The following LINGO2 variants were observed in gnomAD, a reference collection of about 807,000 sequenced individuals.
The protein encoded by LINGO2 is leucine-rich repeat and immunoglobulin-like domain-containing nogo receptor-interacting protein 2.
LINGO2 carries 14 observed loss-of-function variants against 30.6 expected under a neutral mutation model. The observed-to-expected ratio is 0.46, with a 90% CI of 0.30 to 0.72. The LOEUF is 0.72. LINGO2 is among the 30% of genes least tolerant of loss of function. The probability of loss-of-function intolerance (pLI) is 0.07; values close to 1 mark genes in which losing one functional copy is unlikely to be tolerated. For synonymous variants in LINGO2, 317 were observed against 288.5 expected (o/e 1.10, Z -1.00); for missense variants, 729 against 751.7 (o/e 0.97, Z 0.35).
intron 2 of LINGO2, among the ~76,000 whole-genome samples, chr9:28,417,737 T>A (rs1163217826): frequency 6.6e-6 from 1 of 152,210 alleles, no homozygotes; most frequent in Non-Finnish European, 1.5e-5. Flanking sequence ...GTACCATGTA[T>A]AACTTTTTAT....
chr9:28,542,098 A>T (rs1406922624), intron 1 of LINGO2, among the ~76,000 whole-genome samples: 1 of 152,160 alleles, frequency 6.6e-6, no homozygotes, highest in African/African-American at 2.4e-5. Flanking sequence ...AAGGGAAAGA[A>T]GTTAAATTGT....
the LINGO2 span, among the ~76,000 whole-genome samples, chr9:28,764,591 C>G: frequency 3.3e-5 from 5 of 151,778 alleles, no homozygotes; most frequent in South Asian, 4.1e-4. Context: ...GTATTTGGTA[C>G]AAGACAAAGA....
chr9:29,163,627 C>T, the LINGO2 span, among the ~76,000 whole-genome samples: 102 of 152,224 alleles, frequency 6.7e-4, no homozygotes, highest in African/African-American at 2.3e-3. Context: ...TATACTCTGG[C>T]TTCTAATGTA....
At chr9:28,698,906 G>C in the LINGO2 span, among the ~76,000 whole-genome samples, 1 of 151,958 alleles carries the variant, frequency 6.6e-6, no homozygotes, top group Non-Finnish European at 1.5e-5. Flanking sequence ...GCTAGATGTG[G>C]TGGTGTGCAC....
the LINGO2 span, among the ~76,000 whole-genome samples, chr9:29,171,767 T>A: frequency 7.9e-5 from 12 of 151,998 alleles, no homozygotes; most frequent in African/African-American, 2.6e-4. Context: ...CCATATTTTT[T>A]AATATGATAT....
chr9:28,936,312 T>C, the LINGO2 span, among the ~76,000 whole-genome samples: 1 of 152,176 alleles, frequency 6.6e-6, no homozygotes, highest in Admixed American at 6.5e-5. Flanking sequence ...TGTTGTGGTG[T>C]CTTGCCATCA....
At chr9:28,487,945 A>C (rs994011526) in intron 1 of LINGO2, among the ~76,000 whole-genome samples, 4 of 152,198 alleles carry the variant, frequency 2.6e-5, no homozygotes, top group African/African-American at 9.6e-5. Context: ...GCCAAACAAA[A>C]CAAGAGAAAA....
chr9:28,901,508 T>C, the LINGO2 span, among the ~76,000 whole-genome samples: 1 of 151,888 alleles, frequency 6.6e-6, no homozygotes, highest in Non-Finnish European at 1.5e-5. Flanking sequence ...GCGCAATTAT[T>C]TGTTAAGGGA....
intron 4 of LINGO2, among the ~76,000 whole-genome samples, chr9:28,063,839 TG>T (rs1825229518): frequency 6.6e-6 from 1 of 152,140 alleles, no homozygotes; most frequent in Non-Finnish European, 1.5e-5. Context: ...ATTGATATTG[TG>T]GTTCTGAGTA....
At position 27,999,349 on chromosome 9, in the gene LINGO2, T is replaced by G. The variant is rs575277095; in HGVS notation, c.-36+13006A>C. On this transcript the variant is annotated intron_variant, in intron 5 of 5. Transcript: ENST00000379992. Reference sequence around the variant, plus strand: ...TGGAAAAGAGAAAGATATGATGTTTTGTGTGCAGGTGTAACTTGCCAGCTG... The same window carrying G: ...TGGAAAAGAGAAAGATATGATGTTTGGTGTGCAGGTGTAACTTGCCAGCTG... Among the ~76,000 whole-genome samples the G allele has an allele frequency of 3.3e-5, 5 of 152,166 alleles. No homozygotes were observed. In the East Asian group the frequency reaches 9.7e-4, roughly 30 times the overall value.
At chr9:28,635,908 T>G (rs2135906303) in intron 1 of LINGO2, among the ~76,000 whole-genome samples, 1 of 152,144 alleles carries the variant, frequency 6.6e-6, no homozygotes, top group East Asian at 1.9e-4. Flanking sequence ...TGTGCCATGT[T>G]GGTGTGTAGC....
intron 1 of LINGO2, among the ~76,000 whole-genome samples, chr9:28,592,874 C>A (rs1462838778): frequency 6.6e-6 from 1 of 151,976 alleles, no homozygotes; most frequent in African/African-American, 2.4e-5. Context: ...TCTTCTGTAG[C>A]CCTCTTTCAT....
the LINGO2 span, among the ~76,000 whole-genome samples, chr9:29,113,374 C>T: frequency 6.6e-6 from 1 of 152,106 alleles, no homozygotes; most frequent in African/African-American, 2.4e-5. Context: ...CCTAAGAAAT[C>T]AGAAGTTTAC....
intron 3 of LINGO2, among the ~76,000 whole-genome samples, chr9:28,355,309 C>CTCTCTCTCTGTCTCTG (rs1820138951): frequency 2.2e-5 from 1 of 46,030 alleles, no homozygotes; most frequent in Non-Finnish European, 6.8e-5. Context: ...GTCTCTCTCT[C>CTCTCTCTCTGTCTCTG]TCTCTCTCTC....
chr9:28,101,560 A>G (rs73643297), intron 4 of LINGO2, among the ~76,000 whole-genome samples: 2 of 152,274 alleles, frequency 1.3e-5, no homozygotes, highest in East Asian at 3.9e-4. Context: ...AAACTTTTTC[A>G]TCATTCCTAA....
intron 4 of LINGO2, among the ~76,000 whole-genome samples, chr9:28,243,882 C>T (rs1821901532): frequency 6.6e-6 from 1 of 152,124 alleles, no homozygotes; most frequent in South Asian, 2.1e-4. Flanking sequence ...TAGTGAGAGA[C>T]TATAACACCC....
chr9:28,704,776 T>C, the LINGO2 span, among the ~76,000 whole-genome samples: 2 of 152,174 alleles, frequency 1.3e-5, no homozygotes, highest in African/African-American at 2.4e-5. Context: ...TTTCAATCTC[T>C]CTGCTTACAT....
chr9:28,409,602 G>T (rs1278391395), intron 2 of LINGO2, among the ~76,000 whole-genome samples: 1 of 147,906 alleles, frequency 6.8e-6, no homozygotes, highest in South Asian at 2.2e-4. Context: ...TACAAAGCTG[G>T]CTTAACAGAT....
the LINGO2 span, among the ~76,000 whole-genome samples, chr9:29,067,799 A>C: frequency 4.6e-5 from 7 of 151,092 alleles, no homozygotes; most frequent in African/African-American, 1.7e-4. Flanking sequence ...CATATTTTTA[A>C]GAAACAAAGG....
Sources: gnomAD v4.1 joint callset for allele counts (sites outside exome capture counted in the v4.1 genomes callset) on GRCh38, gnomAD v4.1.1 for gene constraint, MANE v1.5 for transcripts, NCBI Gene and HGNC (gene_info 2026-07-23, HGNC 2026-07-21) for gene names.